Variants in CCDC51 observed in about 807,000 individuals in gnomAD.
CCDC51 encodes coiled-coil domain containing 51.
A neutral mutation model predicts 24.8 loss-of-function variants in CCDC51; 25 were observed. That is an observed-to-expected ratio of 1.01 (90% CI 0.73 to 1.41). CCDC51 has a LOEUF of 1.41. Among genes scored for constraint, CCDC51 ranks in the 40% most tolerant of loss-of-function variants. CCDC51 has a pLI of 0.00. For synonymous variants in CCDC51, 190 were observed against 204.3 expected, an observed-to-expected ratio of 0.93 and a Z score of 0.60; for missense variants, 466 against 519.1, an observed-to-expected ratio of 0.90 and a Z score of 0.99.
upstream of CCDC51, among the ~76,000 whole-genome samples, chr3:48,442,780 T>C (rs984959046): frequency 6.6e-6 from 1 of 152,132 alleles, no homozygotes; most frequent in African/African-American, 2.4e-5. Flanking sequence ...AATCGCCTAC[T>C]GCGTTCCACA....
In CCDC51 at chr3:48,432,301, G is replaced by T. The variant is rs145856818; in HGVS notation, c.*107C>A. The T allele has an allele frequency of 2.3e-4, 310 of 1,333,622 alleles. No homozygotes were observed. The African/African-American group carries it at 3.8e-3, about 17-fold the overall frequency. 82.6% of individuals were successfully genotyped at this position (1,333,622 alleles called of 1,614,324 possible). ...GAGCCACACAGATACTGCTCCTTCA[G>T]ATTGAGGTTGTACATGCCCCCAAAG... On this transcript the variant is annotated 3_prime_UTR_variant, in exon 4 of 4. Transcript: ENST00000395694.
At position 48,434,893 on chromosome 3, in the gene CCDC51, G is replaced by C; in HGVS notation, c.236C>G (p.Ala79Gly). 1.9e-6 allele frequency: 3 copies of C among 1,614,222 alleles called. No homozygotes were observed. Among genetic ancestry groups the C allele is most frequent in the Non-Finnish European group, 2.5e-6 (3 of 1,180,042 alleles). Residue 79 changes from alanine (A) to glycine (G), a missense_variant, in exon 2 of 4, where the codon GCC becomes GGC. By Grantham distance (60) the Ala-to-Gly change is moderately conservative. Transcript: ENST00000395694. The stretch of plus-strand genomic sequence containing the variant: ...TTCATATCTGTCCCACCAAGTCTTG[G>C]CTGTGGAGGTCGCTCGTTGCTGAAT... ...HSIQQRATST[A>G]KTWWDRYEEF...
rs1560090910 is a variant in CCDC51, at chr3:48,435,004, CT to C, written c.124del (p.Ser42AlafsTer61). The C allele has an allele frequency of 6.2e-7, 1 of 1,614,246 alleles. No individual in the cohort carries two copies. ...CTCAGGTCTTTTCTCTCCGGGCTGG[CT>C]TGGGCCTGGGCTGCAGAGAGTCCTG... is the stretch of plus-strand genomic sequence containing the variant. Reference protein sequence around the residue: ...MTRTLCSPGPSQPGEKRPEEV... With the variant: ...MTRTLCSPGPXQPGEKRPEEV... On this transcript the variant is annotated frameshift_variant, in exon 2 of 4. Coordinates refer to ENST00000395694, the MANE Select transcript of CCDC51 (RefSeq NM_001256964.2). LOFTEE classifies it high-confidence loss of function. This position sits in a 1 kb window ranked among gnomAD's most constrained non-coding sequence, Gnocchi z 4.2.
At chr3:48,444,059 ATC>A (rs2039624648), upstream of CCDC51, 4 of 434,596 alleles carry the variant, frequency 9.2e-6, no homozygotes, top group Non-Finnish European at 1.6e-5. Flanking sequence ...GTGGCTCATC[ATC>A]TCTTTAGTTG....
upstream of CCDC51, chr3:48,443,953 A>C: frequency 8.6e-7 from 1 of 1,160,076 alleles, no homozygotes; most frequent in Non-Finnish European, 1.2e-6. Flanking sequence ...ATTCCCTGCC[A>C]TAACATCTTT....
chr3:48,438,631 C>T (rs959402081), intron 1 of CCDC51, among the ~76,000 whole-genome samples: 6 of 152,200 alleles, frequency 3.9e-5, no homozygotes, highest in Non-Finnish European at 7.3e-5. Flanking sequence ...CCTCCTCTCA[C>T]CTCTGCCACT....
intron 1 of CCDC51, among the ~76,000 whole-genome samples, chr3:48,438,511 G>C (rs2039435627): frequency 6.6e-6 from 1 of 151,920 alleles, no homozygotes. Context: ...GCAATACCAA[G>C]TTCAAATATT....
chr3:48,433,770 G>A lies in CCDC51; in HGVS notation c.414C>T (p.Asp138=). Residue 138 remains aspartate, a synonymous_variant, in exon 3 of 4, where the codon GAC becomes GAT. Transcript: ENST00000395694. The surrounding 1 kb of genome is among the most constrained non-coding windows in gnomAD (Gnocchi z 4.4). The part of the protein sequence containing the change: ...AKLKEVRDRL[D]RVSREDSQYL... Reference sequence around the variant, plus strand: ...ACTGACTGTCCTCCCTGGAGACACGGTCCAAGCGGTCCCTCACCTCCTTCA... The same window carrying A: ...ACTGACTGTCCTCCCTGGAGACACGATCCAAGCGGTCCCTCACCTCCTTCA... 6.2e-7 allele frequency: 1 copy of A among 1,614,014 alleles called. No individual in the cohort carries two copies. Among genetic ancestry groups the A allele is most frequent in the Non-Finnish European group, 8.5e-7 (1 of 1,179,984 alleles).
chr3:48,436,425 T>C (rs2039355810), intron 1 of CCDC51, among the ~76,000 whole-genome samples: 1 of 152,188 alleles, frequency 6.6e-6, no homozygotes, highest in South Asian at 2.1e-4. Flanking sequence ...ACATGTCTTC[T>C]GGGCAAAGTG....
At chr3:48,444,045 T>TA (rs2039624241), upstream of CCDC51, 1 of 472,260 alleles carries the variant, frequency 2.1e-6, no homozygotes, top group Non-Finnish European at 3.5e-6. Flanking sequence ...AGAAAAATCT[T>TA]ACAGTGGCTC....
chr3:48,438,264 T>C (rs1291465557), intron 1 of CCDC51: 1 of 152,144 alleles, frequency 6.6e-6, no homozygotes, highest in Non-Finnish European at 1.5e-5. Context: ...ATAAAACCAC[T>C]GAATTGTACA....
chr3:48,437,132 C>A lies in CCDC51; in HGVS notation c.-8-1996G>T, dbSNP rs2039379321. ...TCTACTCGGCTCACCCCGACATCTT[C>A]ATCTTTGCCCAAATATCACCTCTCA... On this transcript the variant is annotated intron_variant, in intron 1 of 3. Coordinates refer to ENST00000395694, the MANE Select transcript of CCDC51 (RefSeq NM_001256964.2). The surrounding 1 kb of genome is among the most constrained non-coding windows in gnomAD (Gnocchi z 4.2). Among the ~76,000 whole-genome samples the A allele has an allele frequency of 6.6e-6, 1 of 152,220 alleles. No individual in the cohort carries two copies. Among genetic ancestry groups the A allele is most frequent in the African/African-American group, 2.4e-5 (1 of 41,450 alleles).
Position 48,435,193 on chromosome 3 carries a change from C to A in CCDC51, c.-8-57G>T. The A allele has an allele frequency of 7.1e-7, 1 of 1,413,276 alleles. No individual in the cohort carries two copies. Among genetic ancestry groups the A allele is most frequent in the South Asian group, 1.4e-5 (1 of 70,310 alleles). The allele number at this position is 1,413,276 out of a possible 1,614,324, so 87.5% of individuals were successfully genotyped here. ...CAGCTGAGAAAGGCTGGACATAAGTCAGTTTTGAGGCCTAGGGACAGTTCT... is the reference window on the plus strand; with the variant it reads ...CAGCTGAGAAAGGCTGGACATAAGTAAGTTTTGAGGCCTAGGGACAGTTCT... On this transcript the variant is annotated intron_variant, in intron 1 of 3. Transcript: ENST00000395694. The surrounding 1 kb of genome is among the most constrained non-coding windows in gnomAD (Gnocchi z 4.2).
chr3:48,438,742 T>C (rs1439939873), intron 1 of CCDC51, among the ~76,000 whole-genome samples: 1 of 152,166 alleles, frequency 6.6e-6, no homozygotes. Context: ...GCCCCTACAA[T>C]TTATTGTCAG....
chr3:48,435,245 T>C lies in CCDC51; in HGVS notation c.-8-109A>G. The C allele has an allele frequency of 5.6e-6, 5 of 898,376 alleles. No homozygotes were observed. In the South Asian group the frequency reaches 9.2e-5, roughly 17 times the overall value. The allele number at this position is 898,376 out of a possible 1,614,324, so 55.7% of individuals were successfully genotyped here. ...AACAGACTAATCCCCACTCAAATCA[T>C]CTAAACTGAGCACCACCCTGTTGGG... On this transcript the variant is annotated intron_variant, in intron 1 of 3. Coordinates refer to ENST00000395694, the MANE Select transcript of CCDC51 (RefSeq NM_001256964.2). The surrounding 1 kb of genome is among the most constrained non-coding windows in gnomAD (Gnocchi z 4.2).
At position 48,432,673 on chromosome 3, in the gene CCDC51, A is replaced by G. The variant is rs1456107790; in HGVS notation, c.971T>C (p.Leu324Pro). 5 of 1,614,262 alleles carry G rather than the reference A, an allele frequency of 3.1e-6. No homozygotes were observed. The highest frequency in any genetic ancestry group is 1.1e-5 in the South Asian group (1 of 91,086). The part of the protein sequence containing the change: ...HSCLEGLREQ[L>P]DGLEKTCSQM... Reference sequence around the variant, plus strand: ...GCTACAAGTCTTTTCTAGGCCATCAAGCTGCTCTCGTAAGCCTTCTAGACA... The same window carrying G: ...GCTACAAGTCTTTTCTAGGCCATCAGGCTGCTCTCGTAAGCCTTCTAGACA... The change falls in exon 4 of 4, where the codon CTT becomes CCT. Residue 324 changes from leucine to proline, a missense_variant. Physicochemically the swap from Leu to Pro is moderately conservative, Grantham distance 98 (BLOSUM62 -3). Transcript: ENST00000395694.
chr3:48,442,172 G>C (rs2039585851), upstream of CCDC51, among the ~76,000 whole-genome samples: 2 of 151,746 alleles, frequency 1.3e-5, no homozygotes, highest in Admixed American at 1.3e-4. Context: ...CAAGGTAAGA[G>C]GATTATTTGA....
chr3:48,436,881 C>T (rs980503104), intron 1 of CCDC51, among the ~76,000 whole-genome samples: 9 of 152,238 alleles, frequency 5.9e-5, no homozygotes, highest in Admixed American at 5.2e-4. Context: ...CCGTCCCCCA[C>T]CCCCATGTTC....
Position 48,432,663 on chromosome 3 carries a change from T to C in CCDC51, c.981A>G (p.Leu327=). The C allele has an allele frequency of 1.2e-6, 2 of 1,614,248 alleles. No homozygotes were observed. The highest frequency in any genetic ancestry group is 1.7e-6 in the Non-Finnish European group (2 of 1,180,042). The part of the protein sequence containing the change: ...LEGLREQLDG[L]EKTCSQMAGV... ...CAGCCATTTGGCTACAAGTCTTTTC[T>C]AGGCCATCAAGCTGCTCTCGTAAGC... is the stretch of plus-strand genomic sequence containing the variant. Residue 327 remains leucine (L), a synonymous_variant, in exon 4 of 4, where the codon CTA becomes CTG. Transcript: ENST00000395694.
Sources: gnomAD v4.1 joint callset for allele counts (sites outside exome capture counted in the v4.1 genomes callset) on GRCh38, gnomAD v4.1.1 for gene constraint, Gnocchi (gnomAD v3.1) non-coding constraint, MANE v1.5 for transcripts, NCBI Gene and HGNC (gene_info 2026-07-23, HGNC 2026-07-21) for gene names.